The following FOXN2 variants were observed in gnomAD, a reference collection of about 807,000 sequenced individuals.
FOXN2 encodes the protein forkhead box N2.
Under a neutral mutation model 41.2 loss-of-function variants are expected in FOXN2, and 19 were observed. The ratio of observed to expected loss-of-function variants is 0.46; its 90% CI spans 0.32 to 0.68. FOXN2 has a LOEUF of 0.68. FOXN2 is among the 30% of genes least tolerant of loss of function. FOXN2 has a pLI of 0.03. For synonymous variants in FOXN2, 195 were observed against 176.8 expected (o/e 1.10, Z -0.82); for missense variants, 587 against 509.4 (o/e 1.15, Z -1.47).
chr2:48,347,900 C>T (rs111924282), intron 3 of FOXN2, among the ~76,000 whole-genome samples: 2 of 152,216 alleles, frequency 1.3e-5, no homozygotes, highest in Non-Finnish European at 2.9e-5. Context: ...TTCTGGCTCC[C>T]ATAGTTTCTG....
chr2:48,319,616 C>CTT (rs35143943), intron 1 of FOXN2, among the ~76,000 whole-genome samples: 44,907 of 133,796 alleles, frequency 0.34, 8,037 homozygotes, highest in South Asian at 0.53. Flanking sequence ...TATTTAAATT[C>CTT]TTTTTTTTTT....
intron 1 of FOXN2, among the ~76,000 whole-genome samples, chr2:48,325,490 G>T (rs1263096777): frequency 1.3e-5 from 2 of 152,142 alleles, no homozygotes; most frequent in African/African-American, 2.4e-5. Flanking sequence ...AATAAATACC[G>T]AAAGGAAATG....
chr2:48,353,521 G>A (rs370122014), intron 3 of FOXN2, among the ~76,000 whole-genome samples: 1 of 148,760 alleles, frequency 6.7e-6, no homozygotes, highest in African/African-American at 2.5e-5. Flanking sequence ...GCTCTCTGAG[G>A]TCAAGGCCTT....
intron 2 of FOXN2, among the ~76,000 whole-genome samples, chr2:48,343,401 AT>A: frequency 1.3e-5 from 2 of 152,332 alleles, no homozygotes; most frequent in Middle Eastern, 3.4e-3. Flanking sequence ...TGAAATAATT[AT>A]GATTTGAGTG....
At position 48,373,375 on chromosome 2, in the gene FOXN2, C is replaced by A; in HGVS notation, c.772+15C>A. ...AATTTTAGAATGTAAGTAATCATGC[C>A]TTTTTTAAAAAAAAATTTTAGTGCC... On this transcript the variant is annotated intron_variant, in intron 6 of 6. Transcript: ENST00000340553. The A allele has an allele frequency of 6.6e-7, 1 of 1,515,488 alleles. No individual in the cohort carries two copies. Among genetic ancestry groups the A allele is most frequent in the Non-Finnish European group, 9.0e-7 (1 of 1,116,714 alleles). 93.9% of individuals were successfully genotyped at this position (1,515,488 alleles called of 1,614,324 possible).
At chr2:48,358,370 C>G (rs1489205337) in intron 3 of FOXN2, among the ~76,000 whole-genome samples, 2 of 152,098 alleles carry the variant, frequency 1.3e-5, no homozygotes, top group African/African-American at 2.4e-5. Context: ...AAGTGGCCTG[C>G]ATTGTTGTTT....
chr2:48,336,570 A>G (rs1489457000), intron 2 of FOXN2, among the ~76,000 whole-genome samples: 2 of 151,984 alleles, frequency 1.3e-5, no homozygotes, highest in Non-Finnish European at 2.9e-5. Context: ...TAATTTCCAC[A>G]CTAGTAGAGG....
intron 1 of FOXN2, among the ~76,000 whole-genome samples, chr2:48,318,240 A>C (rs139267884): frequency 4.7e-4 from 72 of 152,210 alleles, no homozygotes; most frequent in African/African-American, 1.7e-3. Flanking sequence ...CTTTATTCCT[A>C]TTTCGCTAAT....
intron 6 of FOXN2, among the ~76,000 whole-genome samples, chr2:48,374,701 C>A (rs1481749453): frequency 6.6e-6 from 1 of 152,132 alleles, no homozygotes; most frequent in Non-Finnish European, 1.5e-5. Flanking sequence ...AAAATAGTTA[C>A]ATATGCTATA....
rs1192030070 is a variant in FOXN2 at position 48,340,468 on chromosome 2, G to GT, written c.-14-5732dup. Among the ~76,000 whole-genome samples, 7 of 152,136 alleles carry GT rather than the reference G, an allele frequency of 4.6e-5. No homozygotes were observed. In the East Asian group the frequency reaches 1.4e-3, roughly 29 times the overall value. On this transcript the variant is annotated intron_variant, in intron 2 of 6. Coordinates refer to ENST00000340553, the MANE Select transcript of FOXN2 (RefSeq NM_002158.4). ...ATAACATTGAACGTAATATGCAGAT[G>GT]TGCAAATCTCTGTTAGACACCTTAG...
At chr2:48,321,342 G>C (rs1669302587) in intron 1 of FOXN2, among the ~76,000 whole-genome samples, 1 of 152,074 alleles carries the variant, frequency 6.6e-6, no homozygotes, top group South Asian at 2.1e-4. Context: ...GAGACCGTCT[G>C]GCTAACACGG....
chr2:48,373,414 C>G, intron 6 of FOXN2, 54 bp downstream of exon 6: 1 of 1,020,324 alleles, frequency 9.8e-7, no homozygotes, highest in Non-Finnish European at 1.5e-6. Context: ...TCAAATTTAA[C>G]CTAGACTATA....
At chr2:48,336,119 T>C (rs1162115702) in intron 2 of FOXN2, among the ~76,000 whole-genome samples, 1 of 146,880 alleles carries the variant, frequency 6.8e-6, no homozygotes, top group Non-Finnish European at 1.5e-5. Context: ...GACTTTTTAT[T>C]GTTGCTTGGC....
At chr2:48,338,921 G>A (rs1270362033) in intron 2 of FOXN2, among the ~76,000 whole-genome samples, 1 of 152,042 alleles carries the variant, frequency 6.6e-6, no homozygotes, top group African/African-American at 2.4e-5. Flanking sequence ...AGATTGAAAA[G>A]ACAAGTCATC....
Position 48,375,139 on chromosome 2 carries a change from A to G in FOXN2, c.992A>G (p.Glu331Gly). ...SSLSSVDEVY[E>G]FIPKNSHVGS... Reference sequence around the variant, plus strand: ...CTGTCTTCTGTGGATGAGGTATATGAATTTATCCCAAAGAATAGTCACGTG... The same window carrying G: ...CTGTCTTCTGTGGATGAGGTATATGGATTTATCCCAAAGAATAGTCACGTG... The change falls in exon 7 of 7, where the codon GAA (glutamate) becomes GGA (glycine). Residue 331 changes from glutamate to glycine, a missense_variant. Coordinates refer to ENST00000340553, the MANE Select transcript of FOXN2 (RefSeq NM_002158.4). 6.2e-7 allele frequency: 1 copy of G among 1,614,126 alleles called. No individual in the cohort carries two copies. The highest frequency in any genetic ancestry group is 8.5e-7 in the Non-Finnish European group (1 of 1,179,990).
chr2:48,330,467 A>G (rs1669957792), intron 2 of FOXN2, among the ~76,000 whole-genome samples: 1 of 152,184 alleles, frequency 6.6e-6, no homozygotes, highest in African/African-American at 2.4e-5. Flanking sequence ...TTTTCTATGA[A>G]AAACATTGTT....
chr2:48,365,424 A>G (rs1672470136), intron 5 of FOXN2, among the ~76,000 whole-genome samples: 1 of 152,232 alleles, frequency 6.6e-6, no homozygotes, highest in Non-Finnish European at 1.5e-5. Flanking sequence ...TCTGACACTT[A>G]TTCTCTAAAG....
intron 6 of FOXN2, 113 bp from the exon 7 acceptor site, chr2:48,374,807 A>C (rs1226547662): frequency 3.5e-6 from 3 of 864,570 alleles, no homozygotes; most frequent in Non-Finnish European, 5.4e-6. Context: ...AAATCTACAA[A>C]GCATCATGAA....
intron 1 of FOXN2, among the ~76,000 whole-genome samples, chr2:48,324,739 A>G (rs959054528): frequency 1.3e-5 from 2 of 152,214 alleles, no homozygotes; most frequent in African/African-American, 4.8e-5. Flanking sequence ...TGTATTAAGT[A>G]TCTTATAAAA....
Sources: gnomAD v4.1 joint callset for allele counts (sites outside exome capture counted in the v4.1 genomes callset) on GRCh38, gnomAD v4.1.1 for gene constraint, MANE v1.5 for transcripts, NCBI Gene and HGNC (gene_info 2026-07-23, HGNC 2026-07-21) for gene names.